The following IL17RA variants were observed in gnomAD, a reference collection of about 807,000 sequenced individuals.
The protein encoded by IL17RA is interleukin 17 receptor A, also known as interleukin-17 receptor A.
A neutral mutation model predicts 50.4 loss-of-function variants in IL17RA; 34 were observed. The ratio of observed to expected loss-of-function variants is 0.67; its 90% CI spans 0.51 to 0.90. The LOEUF (loss-of-function observed/expected upper bound fraction) is 0.90, where lower values mean the gene tolerates loss of function less well. IL17RA is among the 40% of genes least tolerant of loss of function. IL17RA has a pLI of 0.00. For missense variants in IL17RA, 1,276 were observed against 1,169.8 expected (o/e 1.09, Z -1.32); for synonymous variants, 585 against 510.4 (o/e 1.15, Z -1.97).
Position 17,094,716 on chromosome 22 carries a change from T to TATATATATATATTC in IL17RA, c.139-2344_139-2343insATATATATATTCAT, listed in dbSNP as rs1178787318. ...CTATATATATATATATATATATATA[T>TATATATATATATTC]ATTCAGGGAGATCTTTTTCATGACT... On this transcript the variant is annotated intron_variant, in intron 1 of 12. Coordinates refer to ENST00000319363, the MANE Select transcript of IL17RA (RefSeq NM_014339.7). Among the ~76,000 whole-genome samples the TATATATATATATTC allele has an allele frequency of 1.0e-3, 122 of 118,530 alleles. 2 individuals are homozygous for TATATATATATATTC. The highest frequency in any genetic ancestry group is 4.0e-3 in the African/African-American group (117 of 29,522). The allele number at this position is 118,530 out of a possible 152,430, so 77.8% of individuals were successfully genotyped here.
At chr22:17,086,809 A>C (rs2241042) in intron 1 of IL17RA, among the ~76,000 whole-genome samples, 70,762 of 152,114 alleles carry the variant, frequency 0.47, 19,204 homozygotes, top group Middle Eastern at 0.72. Context: ...AAAGGGCCTG[A>C]GCCAAGGTCC....
chr22:17,106,954 A>G (rs1014159624), intron 11 of IL17RA, among the ~76,000 whole-genome samples: 3 of 152,120 alleles, frequency 2.0e-5, no homozygotes, highest in African/African-American at 7.2e-5. Flanking sequence ...CCTCGCTGTT[A>G]TTTGGCTGTC....
chr22:17,101,607 C>G (rs1425158534), intron 5 of IL17RA, among the ~76,000 whole-genome samples: 2 of 152,188 alleles, frequency 1.3e-5, no homozygotes, highest in African/African-American at 4.8e-5. Flanking sequence ...CGCTTCTGTT[C>G]CTAAAGTTGA....
chr22:17,094,658 T>A (rs1336753928), intron 1 of IL17RA, among the ~76,000 whole-genome samples: 3 of 30,060 alleles, frequency 1.0e-4, no homozygotes, highest in African/African-American at 1.8e-4. Context: ...ATACACACAC[T>A]CTCTCTCTCT....
In IL17RA at chr22:17,098,881, C is replaced by T. The variant is rs2061379141; in HGVS notation, c.417C>T (p.His139=). 1 of 1,613,530 alleles carries T rather than the reference C, an allele frequency of 6.2e-7. No individual in the cohort carries two copies. The highest frequency in any genetic ancestry group is 8.5e-7 in the Non-Finnish European group (1 of 1,179,394). ...TTCTGTCCAAACTGAGGCATCACCACAGGCGGGTAAGAACACAGCTCCTGA... is the reference window on the plus strand; with the variant it reads ...TTCTGTCCAAACTGAGGCATCACCATAGGCGGGTAAGAACACAGCTCCTGA... ...FEFLSKLRHH[H]RRWRFTFSHF... is the part of the protein sequence containing the mutation. The change falls in exon 4 of 13, where the codon CAC becomes CAT. Residue 139 remains histidine, a synonymous_variant. Coordinates refer to ENST00000319363, the MANE Select transcript of IL17RA (RefSeq NM_014339.7).
chr22:17,085,300 A>G (rs955641633), intron 1 of IL17RA, 71 bp downstream of exon 1: 176 of 1,523,966 alleles, frequency 1.2e-4, no homozygotes, highest in Non-Finnish European at 1.4e-4. Flanking sequence ...GGAGGGCCGG[A>G]CGGTCGGGAC....
Position 17,094,677 on chromosome 22 carries a change from C to CTATATATATATG in IL17RA, c.139-2384_139-2383insATATATATATGT, listed in dbSNP as rs1568917424. The stretch of plus-strand genomic sequence containing the variant: ...ACACACTCTCTCTCTCTCTCTCTCT[C>CTATATATATATG]TCTCTCTCTCTCTCTATATATATAT... On this transcript the variant is annotated intron_variant, in intron 1 of 12. Coordinates refer to ENST00000319363, the MANE Select transcript of IL17RA (RefSeq NM_014339.7). Among the ~76,000 whole-genome samples the CTATATATATATG allele has an allele frequency of 8.9e-4, 44 of 49,346 alleles. 2 individuals are homozygous for CTATATATATATG. Among genetic ancestry groups the CTATATATATATG allele is most frequent in the African/African-American group, 4.3e-3 (44 of 10,142 alleles). The allele number at this position is 49,346 out of a possible 152,430, so 32.4% of individuals were successfully genotyped here.
intron 4 of IL17RA, among the ~76,000 whole-genome samples, chr22:17,100,016 G>A (rs745341255): frequency 2.0e-5 from 3 of 152,048 alleles, no homozygotes; most frequent in Non-Finnish European, 4.4e-5. Context: ...AAGTCCCCTG[G>A]CTCCGCCCTC....
rs2061425712 is a variant in IL17RA at position 17,108,801 on chromosome 22, A to G, written c.1582A>G (p.Arg528Gly). Reference protein sequence around the residue: ...GAAPRYPLMDRFEEVYFRIQD... With the variant: ...GAAPRYPLMDGFEEVYFRIQD... ...GGCGCCGCGGTACCCGCTCATGGACAGGTTCGAGGAGGTGTACTTCCGCAT... is the reference window on the plus strand; with the variant it reads ...GGCGCCGCGGTACCCGCTCATGGACGGGTTCGAGGAGGTGTACTTCCGCAT... The change falls in exon 13 of 13, where the codon AGG becomes GGG. Residue 528 changes from arginine (R) to glycine (G), a missense_variant. Coordinates refer to ENST00000319363, the MANE Select transcript of IL17RA (RefSeq NM_014339.7). 1 of 1,606,786 alleles carries G rather than the reference A, an allele frequency of 6.2e-7. No individual in the cohort carries two copies. The highest frequency in any genetic ancestry group is 1.3e-5 in the African/African-American group (1 of 74,840).
chr22:17,094,678 T>TCC (rs2061361115), intron 1 of IL17RA, among the ~76,000 whole-genome samples: 3 of 69,902 alleles, frequency 4.3e-5, no homozygotes, highest in African/African-American at 2.1e-4. Flanking sequence ...TCTCTCTCTC[T>TCC]CTCTCTCTCT....
In IL17RA at chr22:17,109,529, A is replaced by G. The variant is rs755075254; in HGVS notation, c.2310A>G (p.Arg770=). The change falls in exon 13 of 13, where the codon AGA becomes AGG. Residue 770 remains arginine (R), a synonymous_variant. Coordinates refer to ENST00000319363, the MANE Select transcript of IL17RA (RefSeq NM_014339.7). ...LSCQAQGGCS[R]PAMVLTDPHT... is the part of the protein sequence containing the mutation. ...GCCAGGCCCAGGGGGGCTGCAGTAG[A>G]CCCGCCATGGTCCTCACAGACCCAC... The G allele has an allele frequency of 1.9e-6, 3 of 1,586,372 alleles. No homozygotes were observed. The highest frequency in any genetic ancestry group is 1.7e-6 in the Non-Finnish European group (2 of 1,166,938).
rs1435523726 is a variant in IL17RA, at chr22:17,094,689, C to CTATATA, written c.139-2372_139-2371insATATAT. ...TCTCTCTCTCTCTCTCTCTCTCTCT[C>CTATATA]TCTATATATATATATATATATATAT... On this transcript the variant is annotated intron_variant, in intron 1 of 12. Coordinates refer to ENST00000319363, the MANE Select transcript of IL17RA (RefSeq NM_014339.7). Among the ~76,000 whole-genome samples the CTATATA allele has an allele frequency of 1.8e-3, 71 of 39,292 alleles. 1 individual carries two copies. The highest frequency in any genetic ancestry group is 2.6e-3 in the Non-Finnish European group (59 of 22,374). 25.8% of individuals were successfully genotyped at this position (39,292 alleles called of 152,430 possible). A position where few individuals can be genotyped will look rare whatever the true frequency, so the allele number is the denominator to read the frequency against.
chr22:17,109,425 T>TCTC lies in IL17RA; in HGVS notation c.2209_2211dup (p.Pro737dup), dbSNP rs2061430392. On this transcript the variant is annotated inframe_insertion, in exon 13 of 13. Transcript: ENST00000319363. Reference sequence around the variant, plus strand: ...CCTTGGCAGCAGCACCCCCATGGCGTCTCCTGACCTCCTTCCAGAGGACGT... The same window carrying TCTC: ...CCTTGGCAGCAGCACCCCCATGGCGTCTCCTCCTGACCTCCTTCCAGAGGACGT... 5 of 1,613,174 alleles carry TCTC rather than the reference T, an allele frequency of 3.1e-6. No homozygotes were observed. The highest frequency in any genetic ancestry group is 4.2e-6 in the Non-Finnish European group (5 of 1,179,964).
In IL17RA at chr22:17,101,050, TTCTC is replaced by T. The variant is rs2061389403; in HGVS notation, c.550+573_550+576del. On this transcript the variant is annotated intron_variant, in intron 5 of 12. Coordinates refer to ENST00000319363, the MANE Select transcript of IL17RA (RefSeq NM_014339.7). ...CCAGAAGCTCAGCTATTACCTACATTTCTCTCTTTTTGTTTTTAATAGAGATAGG... is the reference window on the plus strand; with the variant it reads ...CCAGAAGCTCAGCTATTACCTACATTTCTTTTTGTTTTTAATAGAGATAGG... Among the ~76,000 whole-genome samples the T allele has an allele frequency of 3.9e-5, 6 of 152,282 alleles. No homozygotes were observed. In the South Asian group the frequency reaches 1.2e-3, roughly 32 times the overall value.
chr22:17,091,402 C>A (rs777153828), intron 1 of IL17RA, among the ~76,000 whole-genome samples: 11 of 152,208 alleles, frequency 7.2e-5, no homozygotes, highest in Non-Finnish European at 1.2e-4. Context: ...ATTGGCCGGG[C>A]GCCGTAGCTT....
chr22:17,102,076 T>C (rs757277204), intron 6 of IL17RA, 33 bp downstream of exon 6: 12 of 1,614,120 alleles, frequency 7.4e-6, no homozygotes, highest in Admixed American at 1.7e-5. Flanking sequence ...TTTATTTGGA[T>C]GCATACACAT....
chr22:17,086,365 T>C (rs1461262453), intron 1 of IL17RA, among the ~76,000 whole-genome samples: 1 of 86,314 alleles, frequency 1.2e-5, no homozygotes, highest in Non-Finnish European at 2.3e-5. Flanking sequence ...TGAGTGACTA[T>C]GTCGCAGAAA....
Position 17,098,021 on chromosome 22 carries a change from G to T in IL17RA, c.310+78G>T, listed in dbSNP as rs117257068. 5.0e-5 allele frequency: 79 copies of T among 1,569,690 alleles called. 2 individuals carry two copies. The East Asian group carries it at 1.7e-3, about 34-fold the overall frequency. The stretch of plus-strand genomic sequence containing the variant: ...CTCTCCCAGTCAGGCTCAGGATTGG[G>T]CTCCCAGTCCTGTGCTCAGACATGG... On this transcript the variant is annotated intron_variant, in intron 3 of 12. Transcript: ENST00000319363.
chr22:17,088,773 CCACCG>C (rs985331416), intron 1 of IL17RA, among the ~76,000 whole-genome samples: 1 of 151,668 alleles, frequency 6.6e-6, no homozygotes, highest in Admixed American at 6.6e-5. Flanking sequence ...CAGGTGTGAG[CCACCG>C]CACCTGGCCA....
Sources: gnomAD v4.1 joint callset for allele counts (sites outside exome capture counted in the v4.1 genomes callset) on GRCh38, gnomAD v4.1.1 for gene constraint, MANE v1.5 for transcripts, NCBI Gene and HGNC (gene_info 2026-07-23, HGNC 2026-07-21) for gene names.